UTRN: variants seen among roughly 807,000 people sequenced by gnomAD.
UTRN encodes the protein utrophin, also known as dystrophin-related protein 1.
Under a neutral mutation model 463.9 loss-of-function variants are expected in UTRN, and 283 were observed. The ratio of observed to expected loss-of-function variants is 0.61; its 90% CI spans 0.55 to 0.67. The LOEUF (loss-of-function observed/expected upper bound fraction) is 0.67. Among genes scored for constraint, UTRN ranks in the 30% least tolerant of loss-of-function variants. UTRN has a pLI of 0.00. For synonymous variants in UTRN, 1,442 were observed against 1,431.5 expected, an observed-to-expected ratio of 1.01 and a Z score of -0.17; for missense variants, 3,922 against 4,084.3, an observed-to-expected ratio of 0.96 and a Z score of 1.08.
At chr6:144,380,423 C>A (rs1780806996) in intron 2 of UTRN, among the ~76,000 whole-genome samples, 1 of 152,112 alleles carries the variant, frequency 6.6e-6, no homozygotes, top group Non-Finnish European at 1.5e-5. Context: ...TTGTCTAAAT[C>A]TTCCTTAATA....
At chr6:144,663,224 T>A (rs1375690386) in intron 51 of UTRN, among the ~76,000 whole-genome samples, 2 of 152,100 alleles carry the variant, frequency 1.3e-5, no homozygotes, top group Non-Finnish European at 2.9e-5. Flanking sequence ...GATGACCCCA[T>A]ACCAAGATGT....
At chr6:144,715,701 C>CA (rs1554350668) in intron 53 of UTRN, among the ~76,000 whole-genome samples, 2 of 143,214 alleles carry the variant, frequency 1.4e-5, no homozygotes, top group East Asian at 2.6e-4. Context: ...CTTCCCCCCC[C>CA]ACCCTTTTCT....
At chr6:144,774,703 G>GAAC (rs1775158905) in intron 60 of UTRN, among the ~76,000 whole-genome samples, 1 of 152,158 alleles carries the variant, frequency 6.6e-6, no homozygotes, top group Admixed American at 6.5e-5. Flanking sequence ...TGCCCATTTG[G>GAAC]CAATGTAGAG....
rs1463297429 is a variant in UTRN, at chr6:144,748,252, C to G, written c.7946C>G (p.Thr2649Ser). 6.2e-7 allele frequency: 1 copy of G among 1,606,744 alleles called. No homozygotes were observed. The highest frequency in any genetic ancestry group is 1.3e-5 in the African/African-American group (1 of 74,412). ...RRNLQSKTEL[T>S]PEERAQKIAK... is the part of the protein sequence containing the mutation. Reference sequence around the variant, plus strand: ...TTCTTTTTTTTAATCACAGAATTAACTCCTGAGGAGAGAGCCCAAAAGATT... The same window carrying G: ...TTCTTTTTTTTAATCACAGAATTAAGTCCTGAGGAGAGAGCCCAAAAGATT... The change falls in exon 55 of 75, where the codon ACT becomes AGT. Residue 2649 changes from threonine to serine, a missense_variant. Physicochemically the swap from Thr to Ser is moderately conservative, Grantham distance 58. This residue lies in a region of UTRN where 1,309 missense variants were observed against 1,452.6 expected (regional missense o/e 0.90). Transcript: ENST00000367545.
Position 144,533,718 on chromosome 6 carries a change from G to GTAATATAATATAATATAATA in UTRN, c.6233+461_6233+480dup, listed in dbSNP as rs10524732. On this transcript the variant is annotated intron_variant, in intron 43 of 74. Coordinates refer to ENST00000367545, the MANE Select transcript of UTRN (RefSeq NM_007124.3). ...GCCAATAATAAAGTTCTTCATCTAT[G>GTAATATAATATAATATAATA]TAATATAATATAATATAATATAGTA... 3.2e-3 allele frequency among the ~76,000 whole-genome samples: 477 copies of GTAATATAATATAATATAATA among 148,626 alleles called. 1 individual carries two copies. Among genetic ancestry groups the GTAATATAATATAATATAATA allele is most frequent in the Middle Eastern group, 0.018 (5 of 284 alleles).
chr6:144,846,914 T>G, intron 74 of UTRN, 87 bp downstream of exon 74: 1 of 1,523,120 alleles, frequency 6.6e-7, no homozygotes, highest in Non-Finnish European at 9.1e-7. Context: ...ATTCCTACTT[T>G]ATTCTCCATG....
chr6:144,825,313 C>A (rs1780083354), intron 66 of UTRN, among the ~76,000 whole-genome samples: 1 of 152,190 alleles, frequency 6.6e-6, no homozygotes, highest in African/African-American at 2.4e-5. Context: ...TGGGCTAACA[C>A]ACACATTGTT....
intron 53 of UTRN, chr6:144,708,462 C>A (rs775102131): frequency 3.3e-6 from 2 of 600,440 alleles, no homozygotes; most frequent in African/African-American, 3.8e-5. Context: ...GCCTCTGACT[C>A]CTCACGCCTT....
intron 73 of UTRN, among the ~76,000 whole-genome samples, chr6:144,843,143 C>T (rs1234414612): frequency 6.6e-6 from 1 of 152,004 alleles, no homozygotes; most frequent in Non-Finnish European, 1.5e-5. Flanking sequence ...CCTAAATAAC[C>T]TTAATAATTA....
At chr6:144,535,465 T>A (rs1053843314) in intron 43 of UTRN, among the ~76,000 whole-genome samples, 4 of 152,196 alleles carry the variant, frequency 2.6e-5, no homozygotes, top group Non-Finnish European at 4.4e-5. Context: ...AAGGTAGATA[T>A]CTGTGGAGTG....
At chr6:144,662,956 G>A (rs1462254833) in intron 51 of UTRN, among the ~76,000 whole-genome samples, 1 of 152,196 alleles carries the variant, frequency 6.6e-6, no homozygotes, top group African/African-American at 2.4e-5. Flanking sequence ...TGTTTGGCAT[G>A]TGGTTGAGCA....
intron 2 of UTRN, among the ~76,000 whole-genome samples, chr6:144,310,276 C>T (rs573534111): frequency 1.8e-4 from 28 of 152,062 alleles, no homozygotes; most frequent in African/African-American, 6.5e-4. Flanking sequence ...GTGGCTCATG[C>T]CTGTAATCCC....
chr6:144,515,455 A>T (rs1795533524), intron 37 of UTRN, among the ~76,000 whole-genome samples: 1 of 152,080 alleles, frequency 6.6e-6, no homozygotes, highest in South Asian at 2.1e-4. Flanking sequence ...ATATGTCTTC[A>T]CATTGCACAC....
At chr6:144,457,436 G>A in intron 19 of UTRN, among the ~76,000 whole-genome samples, 1 of 152,160 alleles carries the variant, frequency 6.6e-6, no homozygotes, top group Non-Finnish European at 1.5e-5. Flanking sequence ...ACATAAAGAT[G>A]ATGTGGCTGG....
intron 50 of UTRN, among the ~76,000 whole-genome samples, 169 bp downstream of exon 50, chr6:144,557,480 A>C (rs1011501529): frequency 2.6e-5 from 4 of 152,202 alleles, no homozygotes; most frequent in African/African-American, 9.7e-5. Flanking sequence ...TTAGTACAGA[A>C]TGTATGCTTA....
At chr6:144,511,384 T>C (rs1028886504) in intron 35 of UTRN, among the ~76,000 whole-genome samples, 5 of 152,214 alleles carry the variant, frequency 3.3e-5, no homozygotes, top group African/African-American at 1.2e-4. Flanking sequence ...CCTTATTTGT[T>C]TCATTTTAAT....
chr6:144,305,882 G>A (rs1259945566), intron 2 of UTRN, among the ~76,000 whole-genome samples: 2 of 152,248 alleles, frequency 1.3e-5, no homozygotes, highest in Non-Finnish European at 2.9e-5. Flanking sequence ...GCATTGCCTT[G>A]CCTGAAAGGC....
At chr6:144,845,875 C>G (rs1254616463) in intron 73 of UTRN, among the ~76,000 whole-genome samples, 1 of 152,098 alleles carries the variant, frequency 6.6e-6, no homozygotes, top group Non-Finnish European at 1.5e-5. Flanking sequence ...CATGCCTGCT[C>G]TTTTTTTCTC....
chr6:144,807,554 CA>C (rs1328515024), intron 65 of UTRN, among the ~76,000 whole-genome samples: 1 of 152,070 alleles, frequency 6.6e-6, no homozygotes, highest in Non-Finnish European at 1.5e-5. Flanking sequence ...CAAGAGACAG[CA>C]TGACACAGAT....
Sources: allele counts gnomAD v4.1 joint callset (sites outside exome capture counted in the v4.1 genomes callset), GRCh38; gene constraint gnomAD v4.1.1; regional missense constraint gnomAD v4.1.1; transcripts MANE v1.5; gene names NCBI Gene and HGNC (gene_info 2026-07-23, HGNC 2026-07-21).